Variants in ZDHHC15 observed in about 807,000 individuals in gnomAD.
The protein encoded by ZDHHC15 is zDHHC palmitoyltransferase 15, also known as palmitoyltransferase ZDHHC15.
A neutral mutation model predicts 31.7 loss-of-function variants in ZDHHC15; 19 were observed. The ratio of observed to expected loss-of-function variants is 0.60; its 90% CI spans 0.42 to 0.88. The LOEUF (loss-of-function observed/expected upper bound fraction) is 0.88. ZDHHC15 is among the 40% of genes least tolerant of loss of function. The pLI is 0.00. For missense variants in ZDHHC15, 209 were observed against 251.2 expected (o/e 0.83, Z 1.14); for synonymous variants, 103 against 90.0 (o/e 1.14, Z -0.82).
intron 11 of ZDHHC15, among the ~76,000 whole-genome samples, chrX:75,377,680 A>G (rs1225518067): frequency 9.0e-6 from 1 of 110,574 alleles, no homozygotes; most frequent in Non-Finnish European, 1.9e-5. Flanking sequence ...AATGGTCCTG[A>G]TAAGTATTGC....
intron 11 of ZDHHC15, among the ~76,000 whole-genome samples, chrX:75,375,466 G>T (rs1204046111): frequency 9.0e-6 from 1 of 111,162 alleles, no homozygotes; most frequent in Non-Finnish European, 1.9e-5. Flanking sequence ...TCGTTAGGTG[G>T]TATATTGTGT....
At chrX:75,498,862 T>C (rs1323108414) in intron 2 of ZDHHC15, among the ~76,000 whole-genome samples, 2 of 111,620 alleles carry the variant, frequency 1.8e-5, no homozygotes, top group African/African-American at 6.5e-5. Flanking sequence ...TCTGGAGATA[T>C]CACATTACCC....
rs762195958 is a variant in ZDHHC15, at chrX:75,466,374, T to C, written c.258+12517A>G. 2.7e-5 allele frequency among the ~76,000 whole-genome samples: 3 copies of C among 111,582 alleles called. No homozygotes were observed. In the East Asian group the frequency reaches 8.5e-4, roughly 32 times the overall value. On this transcript the variant is annotated intron_variant, in intron 3 of 11. Coordinates refer to ENST00000373367, the MANE Select transcript of ZDHHC15 (RefSeq NM_144969.3). Reference sequence around the variant, plus strand: ...AAATTAGTTCAATCATTGTGGAAGATAGTGTGGCAATTCCTTGAAGACCTA... The same window carrying C: ...AAATTAGTTCAATCATTGTGGAAGACAGTGTGGCAATTCCTTGAAGACCTA...
chrX:75,495,544 A>G, intron 2 of ZDHHC15, among the ~76,000 whole-genome samples: 1 of 110,961 alleles, frequency 9.0e-6, no homozygotes, highest in East Asian at 2.8e-4. Context: ...ATATCCAACA[A>G]TGATAGACTG....
At chrX:75,465,122 T>C (rs1306706497) in intron 3 of ZDHHC15, among the ~76,000 whole-genome samples, 1 of 112,139 alleles carries the variant, frequency 8.9e-6, no homozygotes, top group Admixed American at 9.5e-5. Flanking sequence ...GGATACAAAA[T>C]TAATGTGCAA....
intron 1 of ZDHHC15, among the ~76,000 whole-genome samples, chrX:75,508,638 T>C (rs868178496): frequency 8.2e-4 from 91 of 110,493 alleles, no homozygotes; most frequent in Admixed American, 5.0e-3. Flanking sequence ...AGTAACATGA[T>C]TTATAATCCT....
intron 3 of ZDHHC15, among the ~76,000 whole-genome samples, chrX:75,465,333 A>G (rs1392467230): frequency 8.9e-6 from 1 of 112,430 alleles, no homozygotes; most frequent in African/African-American, 3.2e-5. Context: ...AAAACATTCC[A>G]TGCTCATGAG....
rs765683828 is a variant in ZDHHC15 at position 75,452,586 on chromosome X, A to C, written c.259-1664T>G. ...TCCACCCCAAATCCACAGAATATAC[A>C]TTCTTCTCAGCACCACATCGCACTT... On this transcript the variant is annotated intron_variant, in intron 3 of 11. Coordinates refer to ENST00000373367, the MANE Select transcript of ZDHHC15 (RefSeq NM_144969.3). Among the ~76,000 whole-genome samples the C allele has an allele frequency of 8.0e-5, 9 of 111,872 alleles. No individual in the cohort carries two copies. The South Asian group carries it at 3.4e-3, about 42-fold the overall frequency.
Position 75,522,878 on chromosome X carries a change from G to A in ZDHHC15, c.136+11C>T. 8.3e-7 allele frequency: 1 copy of A among 1,211,498 alleles called. No homozygotes were observed. Among genetic ancestry groups the A allele is most frequent in the South Asian group, 1.8e-5 (1 of 56,951 alleles). ...ATAATTTCCCCACCTTAGGTGCCCA[G>A]CCCCACTTACCCAGGCAGAGTTCAA... On this transcript the variant is annotated intron_variant, in intron 1 of 11. Coordinates refer to ENST00000373367, the MANE Select transcript of ZDHHC15 (RefSeq NM_144969.3).
At chrX:75,402,058 A>G (rs2083364219) in intron 10 of ZDHHC15, among the ~76,000 whole-genome samples, 1 of 112,764 alleles carries the variant, frequency 8.9e-6, no homozygotes, top group African/African-American at 3.2e-5. Context: ...CCACAGTGCC[A>G]TAAAAATAGA....
rs1225945342 is a variant in ZDHHC15 at position 75,479,716 on chromosome X, T to A, written c.164-731A>T. On this transcript the variant is annotated intron_variant, in intron 2 of 11. Transcript: ENST00000373367. ...TCTATCATTCCACAGTCTGTTTCCATATGTACACATTATTTAGCTTCCACT... is the reference window on the plus strand; with the variant it reads ...TCTATCATTCCACAGTCTGTTTCCAAATGTACACATTATTTAGCTTCCACT... Among the ~76,000 whole-genome samples the A allele has an allele frequency of 1.3e-4, 15 of 111,527 alleles. No homozygotes were observed. The Admixed American group carries it at 1.4e-3, about 11-fold the overall frequency.
intron 3 of ZDHHC15, 56 bp downstream of exon 3, chrX:75,478,835 T>C (rs1009009570): frequency 3.2e-6 from 3 of 938,066 alleles, no homozygotes; most frequent in Non-Finnish European, 4.5e-6. Flanking sequence ...TCTTGCTTTA[T>C]TGTCACTTCT....
intron 9 of ZDHHC15, among the ~76,000 whole-genome samples, chrX:75,421,433 A>ATTATATAT (rs1405064473): frequency 1.6e-5 from 1 of 62,679 alleles, no homozygotes; most frequent in South Asian, 6.6e-4. Context: ...ATATATATAT[A>ATTATATAT]ATATATATTA....
chrX:75,375,807 T>C (rs2083053779), intron 11 of ZDHHC15, among the ~76,000 whole-genome samples: 1 of 112,190 alleles, frequency 8.9e-6, no homozygotes, highest in African/African-American at 3.2e-5. Flanking sequence ...TCTAGTCCTC[T>C]GTTGATGGAC....
At chrX:75,440,238 C>A (rs920825435) in intron 4 of ZDHHC15, among the ~76,000 whole-genome samples, 7 of 108,312 alleles carry the variant, frequency 6.5e-5, no homozygotes, top group Non-Finnish European at 1.2e-4. Context: ...GTTGTTTTCT[C>A]CTTTCTTGGA....
rs2083004169 is a variant in ZDHHC15, at chrX:75,371,285, T to C, written c.*1693A>G. 1 of 111,796 alleles carries C rather than the reference T, an allele frequency of 8.9e-6. No homozygotes were observed. The highest frequency in any genetic ancestry group is 1.9e-5 in the Non-Finnish European group (1 of 53,137). The allele number at this position is 111,796 out of a possible 1,213,427, so 9.2% of individuals were successfully genotyped here. The stretch of plus-strand genomic sequence containing the variant: ...GGGGAAATTTTTTTCCATCTGAATA[T>C]ATAAGAAGATTTCATCTTGAAACCC... On this transcript the variant is annotated 3_prime_UTR_variant, in exon 12 of 12. Transcript: ENST00000373367.
chrX:75,387,909 C>T (rs1366060309), intron 10 of ZDHHC15, among the ~76,000 whole-genome samples: 1 of 111,695 alleles, frequency 9.0e-6, no homozygotes, highest in Non-Finnish European at 1.9e-5. Context: ...AGGTCAAGGT[C>T]AAAGAGAAGA....
chrX:75,419,047 C>A (rs2083585871), intron 9 of ZDHHC15, among the ~76,000 whole-genome samples: 1 of 111,551 alleles, frequency 9.0e-6, no homozygotes, highest in Non-Finnish European at 1.9e-5. Context: ...AAAATTTTTG[C>A]AATCTATCCA....
chrX:75,390,876 A>T (rs1297836593), intron 10 of ZDHHC15, among the ~76,000 whole-genome samples: 1 of 111,836 alleles, frequency 8.9e-6, no homozygotes, highest in Non-Finnish European at 1.9e-5. Flanking sequence ...AAGTAAATTA[A>T]GCATAATGAC....
Sources: gnomAD v4.1 joint callset for allele counts (sites outside exome capture counted in the v4.1 genomes callset) on GRCh38, gnomAD v4.1.1 for gene constraint, MANE v1.5 for transcripts, NCBI Gene and HGNC (gene_info 2026-07-23, HGNC 2026-07-21) for gene names.